The following AMPD2 variants were observed in gnomAD, a reference collection of about 807,000 sequenced individuals.
AMPD2 encodes adenosine monophosphate deaminase 2.
A neutral mutation model predicts 91.3 loss-of-function variants in AMPD2; 52 were observed. That is an observed-to-expected ratio of 0.57 (90% CI 0.46 to 0.72). The LOEUF is 0.72. Ranked by LOEUF, AMPD2 falls within the 30% of genes least tolerant of loss-of-function variation. The pLI is 0.00. For synonymous variants in AMPD2, 455 were observed against 456.4 expected, an observed-to-expected ratio of 1.00 and a Z score of 0.04; for missense variants, 822 against 1,122.3, an observed-to-expected ratio of 0.73 and a Z score of 3.82.
intron 2 of AMPD2, 79 bp downstream of exon 2, chr1:109,621,345 A>T: frequency 7.5e-7 from 1 of 1,326,926 alleles, no homozygotes. Context: ...TGGTCCCCTC[A>T]GAGGGGGCCA....
In AMPD2 at chr1:109,625,144, G is replaced by C. The variant is rs753102363; in HGVS notation, c.92-159G>C. ...CGTTAGAGGTGAGGGTGAGCCCTTT[G>C]GGAGCCACACACACAGGCCTACTCC... On this transcript the variant is annotated intron_variant, in intron 2 of 18. Transcript: ENST00000528667. This position sits in a 1 kb window ranked among gnomAD's most constrained non-coding sequence, Gnocchi z 4.0. 4.6e-5 allele frequency among the ~76,000 whole-genome samples: 7 copies of C among 152,088 alleles called. No homozygotes were observed. The highest frequency in any genetic ancestry group is 8.8e-5 in the Non-Finnish European group (6 of 67,980).
In AMPD2 at chr1:109,631,096, A is replaced by G; in HGVS notation, c.2422A>G (p.Met808Val). Residue 808 changes from methionine (M) to valine (V), a missense_variant, in exon 19 of 19, where the codon ATG becomes GTG. Physicochemically the swap from Met to Val is conservative, Grantham distance 21 (BLOSUM62 1). Transcript: ENST00000528667. Reference sequence around the variant, plus strand: ...CATCACGCAGGCAGTCCAGAGTGAGATGCTGGAGACCATTCCAGAGGAGGC... The same window carrying G: ...CATCACGCAGGCAGTCCAGAGTGAGGTGCTGGAGACCATTCCAGAGGAGGC... ...ALITQAVQSE[M>V]LETIPEEAGI... is the part of the protein sequence containing the mutation. 1 of 1,610,726 alleles carries G rather than the reference A, an allele frequency of 6.2e-7. No homozygotes were observed. The highest frequency in any genetic ancestry group is 8.5e-7 in the Non-Finnish European group (1 of 1,178,578).
rs574595104 is a variant in AMPD2 at position 109,626,448 on chromosome 1, G to A, written c.531+21G>A. ...GTGGGGTAAGTATGGGGTGTATGTT[G>A]GGTGAGTCGCCATCACCTATGTCTT... On this transcript the variant is annotated intron_variant, in intron 6 of 18. Coordinates refer to ENST00000528667, the MANE Select transcript of AMPD2 (RefSeq NM_001368809.2). 9.5e-6 allele frequency: 15 copies of A among 1,583,102 alleles called. No individual in the cohort carries two copies. In the South Asian group the frequency reaches 1.4e-4, roughly 14 times the overall value.
intron 17 of AMPD2, 102 bp from the exon 18 acceptor site, chr1:109,630,581 G>A (rs1387231797): frequency 3.2e-6 from 3 of 949,030 alleles, no homozygotes; most frequent in Admixed American, 2.3e-5. Flanking sequence ...GGGTTGGGGG[G>A]ATGGGGGGGC....
Position 109,628,809 on chromosome 1 carries a change from G to A in AMPD2, c.1571+3G>A. 1 of 1,557,998 alleles carries A rather than the reference G, an allele frequency of 6.4e-7. No individual in the cohort carries two copies. Among genetic ancestry groups the A allele is most frequent in the Non-Finnish European group, 8.7e-7 (1 of 1,150,500 alleles). ...CTGGTGCAGGTGCCCCGCCTCTTGT[G>A]AGTGTCCCTGGAGTGGGAGGGGAAC... is the stretch of plus-strand genomic sequence containing the variant. On this transcript the variant is annotated splice_donor_region_variant and intron_variant, in intron 13 of 18. Transcript: ENST00000528667. The surrounding 1 kb of genome is among the most constrained non-coding windows in gnomAD (Gnocchi z 7.1).
intron 1 of AMPD2, 172 bp from the exon 2 acceptor site, chr1:109,620,742 T>G: frequency 8.0e-7 from 1 of 1,243,538 alleles, no homozygotes. Flanking sequence ...TTCCTGTTTG[T>G]TATTCTTTTT....
At position 109,625,779 on chromosome 1, in the gene AMPD2, A is replaced by C. The variant is rs1221356365; in HGVS notation, c.340A>C (p.Ser114Arg). 2.5e-6 allele frequency: 4 copies of C among 1,613,914 alleles called. No individual in the cohort carries two copies. In the South Asian group the frequency reaches 4.4e-5, roughly 18 times the overall value. The change falls in exon 4 of 19, where the codon AGC becomes CGC. Residue 114 changes from serine (S) to arginine (R), a missense_variant. Ser to Arg is a moderately radical substitution (Grantham distance 110). Transcript: ENST00000528667. The surrounding 1 kb of genome is among the most constrained non-coding windows in gnomAD (Gnocchi z 4.0). ...ERRQRLERQI[S>R]QDVKLEPDIL... ...GCGGCAGCGGCTGGAGCGGCAGATCAGCCAGGATGTCAAGTGAGCCCGGCA... is the reference window on the plus strand; with the variant it reads ...GCGGCAGCGGCTGGAGCGGCAGATCCGCCAGGATGTCAAGTGAGCCCGGCA...
rs1650212785 is a variant in AMPD2 at position 109,621,138 on chromosome 1, G to A, written c.-38G>A. 1.3e-6 allele frequency: 2 copies of A among 1,597,464 alleles called. No homozygotes were observed. Among genetic ancestry groups the A allele is most frequent in the Non-Finnish European group, 8.5e-7 (1 of 1,171,748 alleles). ...GCAGAGCCAGGCCCCAGCCGGTGCC[G>A]CTCAGACTCCCCCGCTGTCGCCGCC... On this transcript the variant is annotated 5_prime_UTR_variant, in exon 2 of 19. Coordinates refer to ENST00000528667, the MANE Select transcript of AMPD2 (RefSeq NM_001368809.2).
At position 109,625,662 on chromosome 1, in the gene AMPD2, G is replaced by A. The variant is rs936265675; in HGVS notation, c.223G>A (p.Glu75Lys). Residue 75 changes from glutamate to lysine, a missense_variant and splice_region_variant, in exon 4 of 19, where the codon GAG becomes AAG. Around this residue, in one of 5 missense-constraint regions of AMPD2, gnomAD observed 105 missense variants for 125.0 expected, o/e 0.84. Transcript: ENST00000528667. The surrounding 1 kb of genome is among the most constrained non-coding windows in gnomAD (Gnocchi z 4.0). ...GCTGACCTTCCTTCCCTCCCCCCAG[G>A]AGCTGTTCACCCGCTCACTGGCTGA... ...MDGKCKEIAEELFTRSLAESE... is the reference protein window; with the variant it reads ...MDGKCKEIAEKLFTRSLAESE... The A allele has an allele frequency of 6.2e-7, 1 of 1,613,700 alleles. No homozygotes were observed. Among genetic ancestry groups the A allele is most frequent in the African/African-American group, 1.3e-5 (1 of 74,900 alleles).
rs1344043194 is a variant in AMPD2 at position 109,631,004 on chromosome 1, G to A, written c.2330G>A (p.Arg777His). 1.2e-6 allele frequency: 2 copies of A among 1,614,182 alleles called. No individual in the cohort carries two copies. The highest frequency in any genetic ancestry group is 8.5e-7 in the Non-Finnish European group (1 of 1,180,032). ...GAAGGCCCTGAGGGGAATGACATCCGCCGGACCAATGTGCCAGACATCCGC... is the reference window on the plus strand; with the variant it reads ...GAAGGCCCTGAGGGGAATGACATCCACCGGACCAATGTGCCAGACATCCGC... ...TKEGPEGNDI[R>H]RTNVPDIRVG... Residue 777 changes from arginine (R) to histidine (H), a missense_variant, in exon 19 of 19, where the codon CGC becomes CAC. Physicochemically the swap from Arg to His is conservative, Grantham distance 29 (BLOSUM62 0). Coordinates refer to ENST00000528667, the MANE Select transcript of AMPD2 (RefSeq NM_001368809.2).
intron 1 of AMPD2, 24 bp from the exon 2 acceptor site, chr1:109,620,890 C>T (rs1436188778): frequency 6.9e-7 from 1 of 1,444,428 alleles, no homozygotes; most frequent in African/African-American, 1.4e-5. Flanking sequence ...CTTTTCTACC[C>T]ACCCCCTCCC....
Position 109,624,735 on chromosome 1 carries a change from A to G in AMPD2, c.92-568A>G, listed in dbSNP as rs1423968683. On this transcript the variant is annotated intron_variant, in intron 2 of 18. Coordinates refer to ENST00000528667, the MANE Select transcript of AMPD2 (RefSeq NM_001368809.2). This position sits in a 1 kb window ranked among gnomAD's most constrained non-coding sequence, Gnocchi z 5.2. The stretch of plus-strand genomic sequence containing the variant: ...AGGGCTCGTCCCTAGGTCAGAGCTG[A>G]GCAGCAGCTGCGGCTTCTCTTGTGC... Among the ~76,000 whole-genome samples the G allele has an allele frequency of 6.6e-6, 1 of 152,138 alleles. No individual in the cohort carries two copies. Among genetic ancestry groups the G allele is most frequent in the Non-Finnish European group, 1.5e-5 (1 of 68,014 alleles).
At chr1:109,626,508 G>A (rs1557932167) in intron 6 of AMPD2, 81 bp downstream of exon 6, 1 of 1,396,238 alleles carries the variant, frequency 7.2e-7, no homozygotes, top group South Asian at 1.3e-5. Context: ...CTGGGGGTGG[G>A]GGCTGGAAAG....
intron 6 of AMPD2, 85 bp from the exon 7 acceptor site, chr1:109,626,640 GA>G (rs960676448): frequency 4.6e-6 from 7 of 1,518,706 alleles, no homozygotes; most frequent in Non-Finnish European, 5.4e-6. Context: ...GGGAGGTGGG[GA>G]TAGTTTGGGT....
In AMPD2 at chr1:109,620,024, T is replaced by C. The variant is rs1173237531; in HGVS notation, c.-517T>C. The C allele has an allele frequency of 7.4e-6, 4 of 542,622 alleles. No individual in the cohort carries two copies. Among genetic ancestry groups the C allele is most frequent in the South Asian group, 2.0e-5 (1 of 50,866 alleles). The allele number at this position is 542,622 out of a possible 1,614,324, so 33.6% of individuals were successfully genotyped here. A position where few individuals can be genotyped will look rare whatever the true frequency, so the allele number is the denominator to read the frequency against. On this transcript the variant is annotated 5_prime_UTR_variant, in exon 1 of 19. Transcript: ENST00000528667. ...GCCTACCAGCCTCTCGATTGCAGGG[T>C]TGGGTGGTCGCGACACCGGGGTCGC...
chr1:109,625,724 G>A lies in AMPD2; in HGVS notation c.285G>A (p.Glu95=). Residue 95 remains glutamate (E), a synonymous_variant, in exon 4 of 19, where the codon GAG becomes GAA. Transcript: ENST00000528667. The surrounding 1 kb of genome is among the most constrained non-coding windows in gnomAD (Gnocchi z 4.0). ...ELRSAPYEFP[E]ESPIEQLEER... ...GTAGTGCCCCGTATGAGTTCCCCGA[G>A]GAGAGCCCCATTGAACAGCTGGAGG... 1.2e-6 allele frequency: 2 copies of A among 1,614,182 alleles called. No individual in the cohort carries two copies. The highest frequency in any genetic ancestry group is 1.7e-6 in the Non-Finnish European group (2 of 1,180,030).
Position 109,626,375 on chromosome 1 carries a change from T to G in AMPD2, c.479T>G (p.Val160Gly), listed in dbSNP as rs1334025333. Reference sequence around the variant, plus strand: ...GACCGGAGCCTGCGGGAGCGTGATGTGCTGGAACGGGAGTTTCAGCGGGTC... The same window carrying G: ...GACCGGAGCCTGCGGGAGCGTGATGGGCTGGAACGGGAGTTTCAGCGGGTC... ...QGDRSLRERDVLEREFQRVTI... is the reference protein window; with the variant it reads ...QGDRSLRERDGLEREFQRVTI... The change falls in exon 6 of 19, where the codon GTG (valine) becomes GGG (glycine). Residue 160 changes from valine to glycine, a missense_variant. Physicochemically the swap from Val to Gly is moderately radical, Grantham distance 109. This residue lies in a region of AMPD2 where 240 missense variants were observed against 270.3 expected (regional missense o/e 0.89). Coordinates refer to ENST00000528667, the MANE Select transcript of AMPD2 (RefSeq NM_001368809.2). 6.2e-6 allele frequency: 10 copies of G among 1,612,390 alleles called. No individual in the cohort carries two copies. The highest frequency in any genetic ancestry group is 8.5e-6 in the Non-Finnish European group (10 of 1,179,372).
intron 1 of AMPD2, chr1:109,620,677 T>C: frequency 8.3e-7 from 1 of 1,206,814 alleles, no homozygotes; most frequent in African/African-American, 1.6e-5. Flanking sequence ...TCACGGAGTA[T>C]GCCTGCCCTG....
At chr1:109,629,008 C>T (rs959705171) in intron 13 of AMPD2, 101 bp from the exon 14 acceptor site, 21 of 1,518,738 alleles carry the variant, frequency 1.4e-5, no homozygotes, top group Admixed American at 7.6e-5. Flanking sequence ...GGTTCAGATG[C>T]GCCCCTGCGC....
Sources: gnomAD v4.1 joint callset for allele counts (sites outside exome capture counted in the v4.1 genomes callset) on GRCh38, gnomAD v4.1.1 for gene constraint, gnomAD v4.1.1 regional missense constraint, Gnocchi (gnomAD v3.1) non-coding constraint, MANE v1.5 for transcripts, NCBI Gene and HGNC (gene_info 2026-07-23, HGNC 2026-07-21) for gene names.